The following SIX1 variants were observed in gnomAD, a reference collection of about 807,000 sequenced individuals.
SIX1 encodes homeobox protein SIX1.
SIX1 carries 11 observed loss-of-function variants against 26.5 expected under a neutral mutation model. The ratio of observed to expected loss-of-function variants is 0.41; its 90% CI spans 0.26 to 0.69. The LOEUF is 0.69. Among genes scored for constraint, SIX1 ranks in the 30% least tolerant of loss-of-function variants. The pLI is 0.28. For synonymous variants in SIX1, 177 were observed against 166.2 expected (o/e 1.06, Z -0.50); for missense variants, 333 against 365.9 (o/e 0.91, Z 0.73).
At position 60,646,122 on chromosome 14, in the gene SIX1, G is replaced by A; in HGVS notation, c.*161C>T. Reference sequence around the variant, plus strand: ...TAAGCTTGAGATCGCTGTTGGTTTTGATTTTTAAAAAGATATTTGTGAAAG... The same window carrying A: ...TAAGCTTGAGATCGCTGTTGGTTTTAATTTTTAAAAAGATATTTGTGAAAG... On this transcript the variant is annotated 3_prime_UTR_variant, in exon 2 of 2. Coordinates refer to ENST00000645694, the MANE Select transcript of SIX1 (RefSeq NM_005982.4). 1 of 644,860 alleles carries A rather than the reference G, an allele frequency of 1.6e-6. No homozygotes were observed. The highest frequency in any genetic ancestry group is 2.5e-6 in the Non-Finnish European group (1 of 392,168). The allele number at this position is 644,860 out of a possible 1,614,324, so 39.9% of individuals were successfully genotyped here. A position where few individuals can be genotyped will look rare whatever the true frequency, so the allele number is the denominator to read the frequency against.
rs1371905806 is a variant in SIX1 at position 60,649,015 on chromosome 14, G to A, written c.175C>T (p.His59Tyr). The change falls in exon 1 of 2, where the codon CAC (histidine) becomes TAC (tyrosine). Residue 59 changes from histidine (H) to tyrosine (Y), a missense_variant. His to Tyr is a moderately conservative substitution (Grantham distance 83). Coordinates refer to ENST00000645694, the MANE Select transcript of SIX1 (RefSeq NM_005982.4). This position sits in a 1 kb window ranked among gnomAD's most constrained non-coding sequence, Gnocchi z 5.1. ...VLKAKAVVAF[H>Y]RGNFRELYKI... is the part of the protein sequence containing the mutation. ...TAGAGCTCACGGAAGTTGCCGCGGT[G>A]GAAGGCGACCACCGCCTTGGCCTTG... The A allele has an allele frequency of 1.2e-6, 2 of 1,613,930 alleles. No homozygotes were observed. Among genetic ancestry groups the A allele is most frequent in the South Asian group, 1.1e-5 (1 of 91,072 alleles).
rs1156683659 is a variant in SIX1, at chr14:60,646,556, G to A, written c.582C>T (p.Asn194=). The change falls in exon 2 of 2, where the codon AAC becomes AAT. Residue 194 remains asparagine (N), a synonymous_variant. Coordinates refer to ENST00000645694, the MANE Select transcript of SIX1 (RefSeq NM_005982.4). Reference sequence around the variant, plus strand: ...GTTGGTTCTGCTTGTTGGAGGAGGAGTTATTGTTTTCGGTGTTCTCCCTAA... The same window carrying A: ...GTTGGTTCTGCTTGTTGGAGGAGGAATTATTGTTTTCGGTGTTCTCCCTAA... ...AKERENTENN[N]SSSNKQNQLS... 5.8e-6 allele frequency: 9 copies of A among 1,554,826 alleles called. No individual in the cohort carries two copies. The highest frequency in any genetic ancestry group is 7.9e-6 in the Non-Finnish European group (9 of 1,145,974).
rs1467994390 is a variant in SIX1, at chr14:60,648,622, C to A, written c.560+8G>T. The A allele has an allele frequency of 1.2e-6, 2 of 1,608,310 alleles. No individual in the cohort carries two copies. Among genetic ancestry groups the A allele is most frequent in the African/African-American group, 1.3e-5 (1 of 74,904 alleles). The stretch of plus-strand genomic sequence containing the variant: ...GGTCGCCCGAGTCGCGGGAAGCACG[C>A]CGCGTACCTTTCCTTGGCCTCCGCG... On this transcript the variant is annotated splice_region_variant and intron_variant, in intron 1 of 1. Transcript: ENST00000645694. The surrounding 1 kb of genome is among the most constrained non-coding windows in gnomAD (Gnocchi z 7.9).
At position 60,648,534 on chromosome 14, in the gene SIX1, A is replaced by AGGACTTGG. The variant is rs920814767; in HGVS notation, c.560+88_560+95dup. 5 of 1,260,634 alleles carry AGGACTTGG rather than the reference A, an allele frequency of 4.0e-6. No individual in the cohort carries two copies. In the African/African-American group the frequency reaches 5.9e-5, roughly 15 times the overall value. The allele number at this position is 1,260,634 out of a possible 1,614,324, so 78.1% of individuals were successfully genotyped here. A position where few individuals can be genotyped will look rare whatever the true frequency, so the allele number is the denominator to read the frequency against. ...CGTGGACGGGCTCCGGCCGGCGGGG[A>AGGACTTGG]GGACTTGGTGGCTGGTGCCTGCGGG... On this transcript the variant is annotated intron_variant, in intron 1 of 1. Coordinates refer to ENST00000645694, the MANE Select transcript of SIX1 (RefSeq NM_005982.4). The surrounding 1 kb of genome is among the most constrained non-coding windows in gnomAD (Gnocchi z 7.9).
chr14:60,648,509 C>G lies in SIX1; in HGVS notation c.560+121G>C, dbSNP rs371838076. ...GCCGCGGAGGGCCTGCGCGCCGCCC[C>G]GTGGACGGGCTCCGGCCGGCGGGGA... is the stretch of plus-strand genomic sequence containing the variant. On this transcript the variant is annotated intron_variant, in intron 1 of 1. Coordinates refer to ENST00000645694, the MANE Select transcript of SIX1 (RefSeq NM_005982.4). The surrounding 1 kb of genome is among the most constrained non-coding windows in gnomAD (Gnocchi z 7.9). 3.9e-5 allele frequency: 38 copies of G among 969,058 alleles called. No individual in the cohort carries two copies. Among genetic ancestry groups the G allele is most frequent in the Non-Finnish European group, 5.1e-5 (33 of 648,400 alleles). The allele number at this position is 969,058 out of a possible 1,614,324, so 60.0% of individuals were successfully genotyped here.
Position 60,649,008 on chromosome 14 carries a change from C to T in SIX1, c.182G>A (p.Gly61Asp). ...KAKAVVAFHR[G>D]NFRELYKILE... ...GATCTTGTAGAGCTCACGGAAGTTG[C>T]CGCGGTGGAAGGCGACCACCGCCTT... The change falls in exon 1 of 2, where the codon GGC becomes GAC. Residue 61 changes from glycine to aspartate, a missense_variant. Gly to Asp is a moderately conservative substitution (Grantham distance 94, BLOSUM62 -1). Coordinates refer to ENST00000645694, the MANE Select transcript of SIX1 (RefSeq NM_005982.4). The surrounding 1 kb of genome is among the most constrained non-coding windows in gnomAD (Gnocchi z 5.1). The T allele has an allele frequency of 6.2e-7, 1 of 1,613,940 alleles. No homozygotes were observed. The highest frequency in any genetic ancestry group is 8.5e-7 in the Non-Finnish European group (1 of 1,179,988).
At position 60,649,162 on chromosome 14, in the gene SIX1, T is replaced by C; in HGVS notation, c.28A>G (p.Thr10Ala). ...CACACGCACGCCACTTGCTCCTGCGTAAAGCCAAACGACGGCAGCATCGAC... is the reference window on the plus strand; with the variant it reads ...CACACGCACGCCACTTGCTCCTGCGCAAAGCCAAACGACGGCAGCATCGAC... The part of the protein sequence containing the change: MSMLPSFGF[T>A]QEQVACVCEV... Residue 10 changes from threonine (T) to alanine (A), a missense_variant, in exon 1 of 2, where the codon ACG becomes GCG. Physicochemically the swap from Thr to Ala is moderately conservative, Grantham distance 58 (BLOSUM62 0). Coordinates refer to ENST00000645694, the MANE Select transcript of SIX1 (RefSeq NM_005982.4). The surrounding 1 kb of genome is among the most constrained non-coding windows in gnomAD (Gnocchi z 5.1). The C allele has an allele frequency of 6.2e-7, 1 of 1,610,780 alleles. No homozygotes were observed. Among genetic ancestry groups the C allele is most frequent in the Non-Finnish European group, 8.5e-7 (1 of 1,179,802 alleles).
chr14:60,649,158 T>C lies in SIX1; in HGVS notation c.32A>G (p.Gln11Arg). 6.2e-7 allele frequency: 1 copy of C among 1,611,438 alleles called. No individual in the cohort carries two copies. Among genetic ancestry groups the C allele is most frequent in the Non-Finnish European group, 8.5e-7 (1 of 1,179,896 alleles). ...CTCGCACACGCACGCCACTTGCTCC[T>C]GCGTAAAGCCAAACGACGGCAGCAT... MSMLPSFGFT[Q>R]EQVACVCEVL... The change falls in exon 1 of 2, where the codon CAG becomes CGG. Residue 11 changes from glutamine (Q) to arginine (R), a missense_variant. Around this residue, in one of 3 missense-constraint regions of SIX1, gnomAD observed 133 missense variants for 131.8 expected, o/e 1.01. Transcript: ENST00000645694. The surrounding 1 kb of genome is among the most constrained non-coding windows in gnomAD (Gnocchi z 5.1).
Position 60,643,912 on chromosome 14 carries a change from C to G in SIX1, c.*2371G>C, listed in dbSNP as rs2140238027. 6.6e-6 allele frequency: 1 copy of G among 152,236 alleles called. No homozygotes were observed. Among genetic ancestry groups the G allele is most frequent in the African/African-American group, 2.4e-5 (1 of 41,514 alleles). The allele number at this position is 152,236 out of a possible 1,614,324, so 9.4% of individuals were successfully genotyped here. A position where few individuals can be genotyped will look rare whatever the true frequency, so the allele number is the denominator to read the frequency against. On this transcript the variant is annotated 3_prime_UTR_variant, in exon 2 of 2. Transcript: ENST00000645694. ...GTAATCACGGGGGCTTTTACAGGAC[C>G]AGCGCTCTTGCTCCTCGCCGGATCT...
In SIX1 at chr14:60,645,063, T is replaced by C. The variant is rs1414794767; in HGVS notation, c.*1220A>G. On this transcript the variant is annotated 3_prime_UTR_variant, in exon 2 of 2. Coordinates refer to ENST00000645694, the MANE Select transcript of SIX1 (RefSeq NM_005982.4). The surrounding 1 kb of genome is among the most constrained non-coding windows in gnomAD (Gnocchi z 4.6). ...TAAACAAAATTGCATATCTAAATAA[T>C]AGAAGTTAATAAATACCCCAAGGCT... 7.2e-5 allele frequency: 11 copies of C among 152,176 alleles called. No homozygotes were observed. Among genetic ancestry groups the C allele is most frequent in the Admixed American group, 7.2e-4 (11 of 15,272 alleles). The allele number at this position is 152,176 out of a possible 1,614,324, so 9.4% of individuals were successfully genotyped here. A position where few individuals can be genotyped will look rare whatever the true frequency, so the allele number is the denominator to read the frequency against.
In SIX1 at chr14:60,649,059, T is replaced by G; in HGVS notation, c.131A>C (p.His44Pro). Residue 44 changes from histidine (H) to proline (P), a missense_variant, in exon 1 of 2, where the codon CAC becomes CCC. By Grantham distance (77) the His-to-Pro change is moderately conservative (BLOSUM62 -2). This residue lies in a region of SIX1 where 133 missense variants were observed against 131.8 expected (regional missense o/e 1.01). Transcript: ENST00000645694. The surrounding 1 kb of genome is among the most constrained non-coding windows in gnomAD (Gnocchi z 5.1). Reference sequence around the variant, plus strand: ...GGCCTTGAGTACGCTCTCGTTCTTGTGCAGGTGGTCGCAGGCGGGCAGTGA... The same window carrying G: ...GGCCTTGAGTACGCTCTCGTTCTTGGGCAGGTGGTCGCAGGCGGGCAGTGA... ...LWSLPACDHL[H>P]KNESVLKAKA... The G allele has an allele frequency of 6.2e-7, 1 of 1,613,944 alleles. No homozygotes were observed. The highest frequency in any genetic ancestry group is 8.5e-7 in the Non-Finnish European group (1 of 1,179,992).
chr14:60,649,229 G>A lies in SIX1; in HGVS notation c.-40C>T. The A allele has an allele frequency of 6.3e-7, 1 of 1,584,760 alleles. No individual in the cohort carries two copies. On this transcript the variant is annotated 5_prime_UTR_variant, in exon 1 of 2. Coordinates refer to ENST00000645694, the MANE Select transcript of SIX1 (RefSeq NM_005982.4). This position sits in a 1 kb window ranked among gnomAD's most constrained non-coding sequence, Gnocchi z 5.1. ...GGGGCGCACGGCCCAGGCGCACGCG[G>A]CAGGGAGCAGAGCCGAGAGGCAGGG...
In SIX1 at chr14:60,647,819, G is replaced by A. The variant is rs1894977038; in HGVS notation, c.560+811C>T. Among the ~76,000 whole-genome samples the A allele has an allele frequency of 6.6e-6, 1 of 152,234 alleles. No homozygotes were observed. The highest frequency in any genetic ancestry group is 2.4e-5 in the African/African-American group (1 of 41,472). On this transcript the variant is annotated intron_variant, in intron 1 of 1. Transcript: ENST00000645694. The surrounding 1 kb of genome is among the most constrained non-coding windows in gnomAD (Gnocchi z 5.1). ...ACAGAAGGAGCCTGCCCAGGTGGCC[G>A]AAGGTGTTGCCCCGAGGTGGGGGAA... is the stretch of plus-strand genomic sequence containing the variant.
At position 60,646,077 on chromosome 14, in the gene SIX1, A is replaced by T. The variant is rs367844913; in HGVS notation, c.*206T>A. ...GGAAGGAAAATGCAAAAGTGGAAAG[A>T]GTTGGAGAGAAGAGGAGATTAAGCT... On this transcript the variant is annotated 3_prime_UTR_variant, in exon 2 of 2. Transcript: ENST00000645694. 5 of 467,298 alleles carry T rather than the reference A, an allele frequency of 1.1e-5. No individual in the cohort carries two copies. Among genetic ancestry groups the T allele is most frequent in the East Asian group, 1.1e-4 (3 of 28,274 alleles). 28.9% of individuals were successfully genotyped at this position (467,298 alleles called of 1,614,324 possible). A position where few individuals can be genotyped will look rare whatever the true frequency, so the allele number is the denominator to read the frequency against.
Position 60,646,372 on chromosome 14 carries a change from G to C in SIX1, c.766C>G (p.Pro256Ala), listed in dbSNP as rs758821559. The change falls in exon 2 of 2, where the codon CCC (proline) becomes GCC (alanine). Residue 256 changes from proline (P) to alanine (A), a missense_variant. Pro to Ala is a conservative substitution (Grantham distance 27). This residue lies in a region of SIX1 where 199 missense variants were observed against 215.2 expected (regional missense o/e 0.92). Transcript: ENST00000645694. Reference protein sequence around the residue: ...YSLPGLTASQPSHGLQTHQHQ... With the variant: ...YSLPGLTASQASHGLQTHQHQ... ...TGGTGGGTCTGCAGGCCGTGACTGG[G>C]CTGCGAGGCTGTTAAGCCCGGGAGA... 4 of 1,614,076 alleles carry C rather than the reference G, an allele frequency of 2.5e-6. No homozygotes were observed. The highest frequency in any genetic ancestry group is 8.5e-7 in the Non-Finnish European group (1 of 1,180,022).
rs73309464 is a variant in SIX1 at position 60,649,470 on chromosome 14, G to A, written c.-281C>T. 2.6e-3 allele frequency: 1,005 copies of A among 392,810 alleles called. 12 individuals are homozygous for A. Among genetic ancestry groups the A allele is most frequent in the African/African-American group, 0.019 (894 of 47,196 alleles). The allele number at this position is 392,810 out of a possible 1,614,324, so 24.3% of individuals were successfully genotyped here. A position where few individuals can be genotyped will look rare whatever the true frequency, so the allele number is the denominator to read the frequency against. On this transcript the variant is annotated 5_prime_UTR_variant, in exon 1 of 2. Coordinates refer to ENST00000645694, the MANE Select transcript of SIX1 (RefSeq NM_005982.4). The surrounding 1 kb of genome is among the most constrained non-coding windows in gnomAD (Gnocchi z 5.1). The stretch of plus-strand genomic sequence containing the variant: ...GCCCGGTGGATGCTGCTAGTTGCCG[G>A]GGAACTTGGTTTCTGTTCTCCCCGC...
chr14:60,648,501 C>A lies in SIX1; in HGVS notation c.560+129G>T, dbSNP rs986407124. On this transcript the variant is annotated intron_variant, in intron 1 of 1. Coordinates refer to ENST00000645694, the MANE Select transcript of SIX1 (RefSeq NM_005982.4). This position sits in a 1 kb window ranked among gnomAD's most constrained non-coding sequence, Gnocchi z 7.9. ...GCTGCAGCGCCGCGGAGGGCCTGCGCGCCGCCCCGTGGACGGGCTCCGGCC... is the reference window on the plus strand; with the variant it reads ...GCTGCAGCGCCGCGGAGGGCCTGCGAGCCGCCCCGTGGACGGGCTCCGGCC... The A allele has an allele frequency of 1.2e-6, 1 of 864,888 alleles. No homozygotes were observed. The highest frequency in any genetic ancestry group is 1.7e-5 in the African/African-American group (1 of 59,542). 53.6% of individuals were successfully genotyped at this position (864,888 alleles called of 1,614,324 possible). A position where few individuals can be genotyped will look rare whatever the true frequency, so the allele number is the denominator to read the frequency against.
At chr14:60,646,644 A>T in intron 1 of SIX1, 67 bp from the exon 2 acceptor site, 1 of 1,391,176 alleles carries the variant, frequency 7.2e-7, no homozygotes, top group Non-Finnish European at 9.7e-7. Flanking sequence ...GGTTAAAAAA[A>T]AAGTGTGAGA....
In SIX1 at chr14:60,644,617, A is replaced by T. The variant is rs927895868; in HGVS notation, c.*1666T>A. The T allele has an allele frequency of 6.6e-6, 1 of 152,378 alleles. No homozygotes were observed. Among genetic ancestry groups the T allele is most frequent in the Non-Finnish European group, 1.5e-5 (1 of 68,038 alleles). 9.4% of individuals were successfully genotyped at this position (152,378 alleles called of 1,614,324 possible). On this transcript the variant is annotated 3_prime_UTR_variant, in exon 2 of 2. Transcript: ENST00000645694. ...TGACAATTATAGATGGGAAAAAATCAAAATTATGAAACTGTCATGTCAGAA... is the reference window on the plus strand; with the variant it reads ...TGACAATTATAGATGGGAAAAAATCTAAATTATGAAACTGTCATGTCAGAA...
Sources: gnomAD v4.1 joint callset for allele counts (sites outside exome capture counted in the v4.1 genomes callset) on GRCh38, gnomAD v4.1.1 for gene constraint, gnomAD v4.1.1 regional missense constraint, Gnocchi (gnomAD v3.1) non-coding constraint, MANE v1.5 for transcripts, NCBI Gene and HGNC (gene_info 2026-07-23, HGNC 2026-07-21) for gene names.